CEP350: variants seen among roughly 807,000 people sequenced by gnomAD.
The protein encoded by CEP350 is centrosomal protein 350.
In CEP350, 126 loss-of-function variants were observed where a neutral mutation model predicts 331.8. The ratio of observed to expected loss-of-function variants is 0.38; its 90% CI spans 0.33 to 0.44. The LOEUF (loss-of-function observed/expected upper bound fraction) is 0.44, where lower values mean the gene tolerates loss of function less well. CEP350 is among the 20% of genes least tolerant of loss of function. CEP350 has a pLI of 1.00. For missense variants in CEP350, 3,406 were observed against 3,634.6 expected (o/e 0.94, Z 1.62); for synonymous variants, 1,200 against 1,259.5 (o/e 0.95, Z 1.00).
intron 7 of CEP350, among the ~76,000 whole-genome samples, chr1:180,004,873 G>GCTTGCTTGCTTGCTT (rs1654108990): frequency 9.9e-5 from 10 of 100,612 alleles, no homozygotes; most frequent in African/African-American, 2.8e-4. Context: ...CAGGCTGGCT[G>GCTTGCTTGCTTGCTT]GCTTGCTTGC....
At chr1:180,064,438 CT>C (rs901351124) in intron 26 of CEP350, among the ~76,000 whole-genome samples, 54 of 146,704 alleles carry the variant, frequency 3.7e-4, no homozygotes, top group East Asian at 5.9e-4. Flanking sequence ...AAGGGCTCTA[CT>C]TTTTTTTTTT....
intron 29 of CEP350, 137 bp from the exon 30 acceptor site, chr1:180,080,380 C>CT: frequency 1.4e-6 from 1 of 730,030 alleles, no homozygotes. Context: ...AATTTGTAAA[C>CT]TTTTTTCACT....
intron 1 of CEP350, among the ~76,000 whole-genome samples, chr1:179,956,336 T>C (rs1650166975): frequency 1.3e-5 from 2 of 152,234 alleles, no homozygotes; most frequent in African/African-American, 4.8e-5. Flanking sequence ...TATATGTGGA[T>C]AAATACATGT....
intron 7 of CEP350, among the ~76,000 whole-genome samples, chr1:180,003,729 A>G (rs1654022784): frequency 6.6e-6 from 1 of 152,216 alleles, no homozygotes; most frequent in Non-Finnish European, 1.5e-5. Flanking sequence ...GGAGGAACCC[A>G]TGGAAGACTG....
At chr1:180,008,337 T>C (rs1654396496) in intron 8 of CEP350, among the ~76,000 whole-genome samples, 1 of 152,160 alleles carries the variant, frequency 6.6e-6, no homozygotes, top group Non-Finnish European at 1.5e-5. Context: ...TTTTCTCATA[T>C]GTAAAATGGG....
At chr1:180,040,930 A>C (rs1656722724) in intron 17 of CEP350, among the ~76,000 whole-genome samples, 1 of 152,152 alleles carries the variant, frequency 6.6e-6, no homozygotes, top group African/African-American at 2.4e-5. Flanking sequence ...TTTTTATATT[A>C]CTACATTATT....
chr1:180,003,112 TAACA>T (rs1653975926), intron 6 of CEP350, 58 bp from the exon 7 acceptor site: 8 of 1,069,738 alleles, frequency 7.5e-6, no homozygotes, highest in Admixed American at 2.5e-5. Flanking sequence ...TTAAAAAGTA[TAACA>T]AACAAAACTT....
chr1:179,987,897 T>C (rs1339532989), intron 3 of CEP350, among the ~76,000 whole-genome samples: 1 of 152,130 alleles, frequency 6.6e-6, no homozygotes, highest in Non-Finnish European at 1.5e-5. Flanking sequence ...ATTGTGCCAC[T>C]GCACTTTAGC....
chr1:180,073,743 C>A (rs1038065698), intron 27 of CEP350: 77 of 1,292,372 alleles, frequency 6.0e-5, no homozygotes, highest in Non-Finnish European at 7.5e-5. Flanking sequence ...TTCTTCCTGC[C>A]TCTTGATCTC....
At chr1:179,987,731 A>C (rs1652740333) in intron 3 of CEP350, among the ~76,000 whole-genome samples, 1 of 151,290 alleles carries the variant, frequency 6.6e-6, no homozygotes, top group East Asian at 1.9e-4. Context: ...GTTTGAGATT[A>C]GCCTGGGCAA....
At chr1:180,074,009 G>A (rs879007139) in intron 27 of CEP350, 14 of 1,028,076 alleles carry the variant, frequency 1.4e-5, no homozygotes, top group Non-Finnish European at 2.6e-6. Context: ...TTTTTTAATA[G>A]CCTGGAGGCC....
Position 180,003,137 on chromosome 1 carries a change from T to C in CEP350, c.1019-37T>C, listed in dbSNP as rs778400668. ...TAACAAACAAAACTTATAAAGCAAC[T>C]TTGATAAGAATATTCTGTGTTACTG... On this transcript the variant is annotated intron_variant, in intron 6 of 37. Coordinates refer to ENST00000367607, the MANE Select transcript of CEP350 (RefSeq NM_014810.5). The C allele has an allele frequency of 9.2e-5, 125 of 1,356,472 alleles. 2 individuals are homozygous for C. In the South Asian group the frequency reaches 1.6e-3, roughly 17 times the overall value. The allele number at this position is 1,356,472 out of a possible 1,614,324, so 84.0% of individuals were successfully genotyped here.
At chr1:180,040,068 A>G (rs1022140568) in intron 17 of CEP350, among the ~76,000 whole-genome samples, 7 of 151,854 alleles carry the variant, frequency 4.6e-5, no homozygotes, top group Non-Finnish European at 7.4e-5. Context: ...GTTCTTCCCA[A>G]AAGACCCGTC....
At position 180,095,825 on chromosome 1, in the gene CEP350, A is replaced by C. The variant is rs1447872200; in HGVS notation, c.8814A>C (p.Lys2938Asn). ...CAGCAGAAGAACTTTGGAAATGGAA[A>C]GAATTAGGCCACGATCTTCATAGCA... ...HNAAEELWKW[K>N]ELGHDLHSIS... The change falls in exon 35 of 38, where the codon AAA becomes AAC. Residue 2938 changes from lysine (K) to asparagine (N), a missense_variant. Physicochemically the swap from Lys to Asn is moderately conservative, Grantham distance 94. This residue lies in a region of CEP350 where 1,415 missense variants were observed against 1,512.3 expected (regional missense o/e 0.94). Transcript: ENST00000367607. 2 of 1,613,894 alleles carry C rather than the reference A, an allele frequency of 1.2e-6. No homozygotes were observed. The highest frequency in any genetic ancestry group is 1.7e-6 in the Non-Finnish European group (2 of 1,179,884).
At chr1:179,962,470 C>T (rs753555912) in intron 1 of CEP350, among the ~76,000 whole-genome samples, 3 of 152,126 alleles carry the variant, frequency 2.0e-5, no homozygotes, top group Admixed American at 6.5e-5. Context: ...AGCGCAGTGA[C>T]GTGATCTTGG....
rs2149210432 is a variant in CEP350, at chr1:180,111,397, A to C, written c.*236A>C. 1 of 388,422 alleles carries C rather than the reference A, an allele frequency of 2.6e-6. No individual in the cohort carries two copies. Among genetic ancestry groups the C allele is most frequent in the African/African-American group, 2.0e-5 (1 of 48,822 alleles). 24.1% of individuals were successfully genotyped at this position (388,422 alleles called of 1,614,324 possible). A position where few individuals can be genotyped will look rare whatever the true frequency, so the allele number is the denominator to read the frequency against. ...TTCAGTGGGCAGGGTTGCACAGTGT[A>C]ATCCTACACCTTTTGCTAACACCCC... is the stretch of plus-strand genomic sequence containing the variant. On this transcript the variant is annotated 3_prime_UTR_variant, in exon 38 of 38. Transcript: ENST00000367607.
chr1:180,102,037 C>G (rs1233387471), intron 37 of CEP350, among the ~76,000 whole-genome samples: 1 of 152,170 alleles, frequency 6.6e-6, no homozygotes, highest in Non-Finnish European at 1.5e-5. Flanking sequence ...GGGTAGGACC[C>G]TCTCATGGGA....
intron 14 of CEP350, among the ~76,000 whole-genome samples, chr1:180,026,276 A>C (rs1655666835): frequency 1.3e-5 from 2 of 152,024 alleles, no homozygotes; most frequent in African/African-American, 4.8e-5. Flanking sequence ...GTGTCAAAAA[A>C]AAAAAAAAAG....
intron 25 of CEP350, among the ~76,000 whole-genome samples, chr1:180,058,936 C>G (rs1384940032): frequency 6.6e-6 from 1 of 152,092 alleles, no homozygotes; most frequent in East Asian, 1.9e-4. Flanking sequence ...TTTCCTATGT[C>G]TTATTCGTTT....
Sources: allele counts gnomAD v4.1 joint callset (sites outside exome capture counted in the v4.1 genomes callset), GRCh38; gene constraint gnomAD v4.1.1; regional missense constraint gnomAD v4.1.1; transcripts MANE v1.5; gene names NCBI Gene and HGNC (gene_info 2026-07-23, HGNC 2026-07-21).